MGAT4C: variants seen among roughly 807,000 people sequenced by gnomAD.
MGAT4C encodes the protein MGAT4 family member C, also known as alpha-1,3-mannosyl-glycoprotein 4-beta-N-acetylglucosaminyltransferase C.
MGAT4C carries 19 observed loss-of-function variants against 40.1 expected under a neutral mutation model. That is an observed-to-expected ratio of 0.47 (90% CI 0.33 to 0.70). MGAT4C has a LOEUF of 0.70. MGAT4C is among the 30% of genes least tolerant of loss of function. MGAT4C has a pLI of 0.02. For synonymous variants in MGAT4C, 181 were observed against 187.1 expected, an observed-to-expected ratio of 0.97 and a Z score of 0.27; for missense variants, 491 against 563.2, an observed-to-expected ratio of 0.87 and a Z score of 1.30.
intron 2 of MGAT4C, among the ~76,000 whole-genome samples, chr12:86,714,626 A>G (rs1031924700): frequency 2.6e-5 from 4 of 152,210 alleles, no homozygotes; most frequent in African/African-American, 4.8e-5. Context: ...GCCTTCCACC[A>G]TGACTGTGAG....
chr12:86,413,174 G>C (rs971047989), intron 3 of MGAT4C, among the ~76,000 whole-genome samples: 3 of 152,016 alleles, frequency 2.0e-5, no homozygotes, highest in Admixed American at 6.6e-5. Flanking sequence ...ACAGTACTTA[G>C]AATAAGAATG....
chr12:86,768,312 G>T (rs1951555114), intron 1 of MGAT4C, among the ~76,000 whole-genome samples: 1 of 152,166 alleles, frequency 6.6e-6, no homozygotes, highest in South Asian at 2.1e-4. Context: ...ACTTACGAGG[G>T]ATGTGAAGGA....
chr12:86,755,415 A>C (rs1951285910), intron 1 of MGAT4C, among the ~76,000 whole-genome samples: 1 of 152,190 alleles, frequency 6.6e-6, no homozygotes, highest in Non-Finnish European at 1.5e-5. Context: ...AACATTAGTA[A>C]TATAATATGC....
chr12:86,561,524 T>C (rs893666170), intron 2 of MGAT4C, among the ~76,000 whole-genome samples: 24 of 152,306 alleles, frequency 1.6e-4, no homozygotes, highest in African/African-American at 5.5e-4. Context: ...TACATCAGAC[T>C]CCAAGTTATT....
chr12:86,735,193 A>T (rs1304278630), intron 1 of MGAT4C, among the ~76,000 whole-genome samples: 1 of 151,374 alleles, frequency 6.6e-6, no homozygotes, highest in Non-Finnish European at 1.5e-5. Flanking sequence ...AAACACAGTA[A>T]TAGTAAGTAT....
intron 2 of MGAT4C, among the ~76,000 whole-genome samples, chr12:86,028,462 C>T (rs1223087983): frequency 1.3e-5 from 2 of 151,988 alleles, no homozygotes; most frequent in African/African-American, 2.4e-5. Flanking sequence ...TCACTTTTAA[C>T]ATTTTCTTAC....
At chr12:86,548,026 A>G (rs1256163164) in intron 2 of MGAT4C, among the ~76,000 whole-genome samples, 1 of 152,140 alleles carries the variant, frequency 6.6e-6, no homozygotes, top group Non-Finnish European at 1.5e-5. Context: ...GTAATTCTGT[A>G]GCTCTTAGGA....
chr12:86,497,933 A>T (rs1958270964), intron 2 of MGAT4C, among the ~76,000 whole-genome samples: 2 of 142,082 alleles, frequency 1.4e-5, no homozygotes, highest in Non-Finnish European at 3.1e-5. Context: ...CACACATATA[A>T]TATTATATAT....
At chr12:86,473,177 G>C (rs745351800) in intron 2 of MGAT4C, among the ~76,000 whole-genome samples, 2 of 151,980 alleles carry the variant, frequency 1.3e-5, no homozygotes, top group African/African-American at 4.8e-5. Flanking sequence ...GGCTAGTCAC[G>C]AACTCCTGAC....
intron 3 of MGAT4C, among the ~76,000 whole-genome samples, chr12:86,367,315 A>C (rs79651569): frequency 2.0e-5 from 3 of 152,144 alleles, no homozygotes; most frequent in African/African-American, 7.2e-5. Flanking sequence ...GTGGGCCTCA[A>C]TAGCACATTC....
At chr12:86,214,590 G>A (rs1404379555) in intron 1 of MGAT4C, among the ~76,000 whole-genome samples, 1 of 152,120 alleles carries the variant, frequency 6.6e-6, no homozygotes, top group Non-Finnish European at 1.5e-5. Context: ...TTGGTTTGCA[G>A]GTGGCCAGCC....
intron 2 of MGAT4C, among the ~76,000 whole-genome samples, chr12:86,578,142 AG>A (rs1960636158): frequency 6.6e-6 from 1 of 151,748 alleles, no homozygotes; most frequent in Non-Finnish European, 1.5e-5. Context: ...CTGTGTGGTA[AG>A]GGAGGAAAAG....
intron 1 of MGAT4C, among the ~76,000 whole-genome samples, chr12:86,755,889 T>C (rs967910302): frequency 6.6e-6 from 1 of 151,950 alleles, no homozygotes; most frequent in Admixed American, 6.6e-5. Flanking sequence ...CTCAAGCAAT[T>C]GGCCAGCTTT....
At chr12:86,450,923 T>C (rs1217571230) in intron 2 of MGAT4C, among the ~76,000 whole-genome samples, 1 of 152,160 alleles carries the variant, frequency 6.6e-6, no homozygotes, top group Non-Finnish European at 1.5e-5. Context: ...GCAATAGATA[T>C]AGTATAAATC....
chr12:86,763,640 T>C (rs1349593222), intron 1 of MGAT4C, among the ~76,000 whole-genome samples: 1 of 152,194 alleles, frequency 6.6e-6, no homozygotes, highest in Non-Finnish European at 1.5e-5. Flanking sequence ...TGCACATTAT[T>C]TTGAGCATTT....
intron 1 of MGAT4C, among the ~76,000 whole-genome samples, chr12:86,050,573 A>G (rs1295677824): frequency 6.6e-6 from 1 of 152,038 alleles, no homozygotes; most frequent in East Asian, 1.9e-4. Context: ...GGTGTTATGT[A>G]AACATTATTC....
intron 3 of MGAT4C, among the ~76,000 whole-genome samples, chr12:86,408,044 A>C (rs765286417): frequency 6.6e-5 from 10 of 152,024 alleles, no homozygotes; most frequent in Non-Finnish European, 1.3e-4. Context: ...ACTTCCTTGG[A>C]TAGATTAAAC....
chr12:86,154,340 T>C (rs1185197109), intron 1 of MGAT4C, among the ~76,000 whole-genome samples: 1 of 152,188 alleles, frequency 6.6e-6, no homozygotes, highest in East Asian at 1.9e-4. Context: ...TGTTCGTTAA[T>C]GCTGTAGCCT....
At chr12:86,153,401 T>C (rs1415851881) in intron 1 of MGAT4C, among the ~76,000 whole-genome samples, 2 of 152,222 alleles carry the variant, frequency 1.3e-5, no homozygotes, top group Non-Finnish European at 2.9e-5. Flanking sequence ...AGACATAGCA[T>C]TGAATCCTTT....
Sources: allele counts gnomAD v4.1 joint callset (sites outside exome capture counted in the v4.1 genomes callset), GRCh38; gene constraint gnomAD v4.1.1; transcripts MANE v1.5; gene names NCBI Gene and HGNC (gene_info 2026-07-23, HGNC 2026-07-21).